The following PKP4 variants were observed in gnomAD, a reference collection of about 807,000 sequenced individuals.
PKP4 encodes the protein plakophilin-4.
In PKP4, 90 loss-of-function variants were observed where a neutral mutation model predicts 145.1. The observed-to-expected ratio is 0.62, with a 90% CI of 0.52 to 0.74. The LOEUF is 0.74. PKP4 is among the 30% of genes least tolerant of loss of function. The pLI, the probability that PKP4 is intolerant of heterozygous loss-of-function variation, is 0.00. For missense variants in PKP4, 1,340 were observed against 1,482.7 expected (o/e 0.90, Z 1.58); for synonymous variants, 563 against 577.2 (o/e 0.98, Z 0.35).
chr2:158,672,727 C>T (rs1380127189), intron 17 of PKP4, among the ~76,000 whole-genome samples: 1 of 152,228 alleles, frequency 6.6e-6, no homozygotes, highest in Non-Finnish European at 1.5e-5. Flanking sequence ...TTACCTGGCT[C>T]TGCTCACCTA....
chr2:158,578,178 T>C (rs2048022766), intron 3 of PKP4: 1 of 240,326 alleles, frequency 4.2e-6, no homozygotes, highest in Non-Finnish European at 9.0e-6. Flanking sequence ...GTATCTTGTG[T>C]TACTCATGGG....
At chr2:158,457,409 C>T (rs1252140527) in intron 1 of PKP4, 191 bp downstream of exon 1, 1 of 152,264 alleles carries the variant, frequency 6.6e-6, no homozygotes, top group Admixed American at 6.5e-5. Context: ...CCGCACTCGC[C>T]TGCTGCTCCC....
Position 158,635,670 on chromosome 2 carries a change from A to C in PKP4, c.1562+1381A>C, listed in dbSNP as rs916700651. Among the ~76,000 whole-genome samples the C allele has an allele frequency of 7.2e-5, 11 of 152,310 alleles. No individual in the cohort carries two copies. In the South Asian group the frequency reaches 8.3e-4, roughly 11 times the overall value. On this transcript the variant is annotated intron_variant, in intron 9 of 21. Coordinates refer to ENST00000389759, the MANE Select transcript of PKP4 (RefSeq NM_003628.6). Reference sequence around the variant, plus strand: ...TTGATTCTCTATAAACAAGGACTTCATGTATGATAATATACCTCAGCTATT... The same window carrying C: ...TTGATTCTCTATAAACAAGGACTTCCTGTATGATAATATACCTCAGCTATT...
At chr2:158,514,529 T>C (rs144104934) in intron 1 of PKP4, among the ~76,000 whole-genome samples, 1 of 152,298 alleles carries the variant, frequency 6.6e-6, no homozygotes, top group Admixed American at 6.5e-5. Context: ...TCTATCCTGC[T>C]GAAGACCAGA....
chr2:158,602,625 G>A (rs2050320940), intron 3 of PKP4, among the ~76,000 whole-genome samples: 1 of 152,088 alleles, frequency 6.6e-6, no homozygotes, highest in Non-Finnish European at 1.5e-5. Context: ...ATTTTATAAG[G>A]CAATATTCAA....
Position 158,661,468 on chromosome 2 carries a change from T to C in PKP4, c.2211+18T>C, listed in dbSNP as rs374969116. 1.1e-5 allele frequency: 16 copies of C among 1,509,304 alleles called. No homozygotes were observed. The highest frequency in any genetic ancestry group is 1.4e-5 in the Non-Finnish European group (15 of 1,085,776). 93.5% of individuals were successfully genotyped at this position (1,509,304 alleles called of 1,614,324 possible). On this transcript the variant is annotated intron_variant, in intron 13 of 21. Coordinates refer to ENST00000389759, the MANE Select transcript of PKP4 (RefSeq NM_003628.6). The stretch of plus-strand genomic sequence containing the variant: ...ACAGCAAGGTCAGTGCCGGCCTGGT[T>C]GCAGGAGGGCGTGGTGGCAGGTGAC...
chr2:158,680,556 C>G lies in PKP4; in HGVS notation c.3458C>G (p.Ser1153Cys). The G allele has an allele frequency of 6.2e-7, 1 of 1,614,158 alleles. No individual in the cohort carries two copies. Among genetic ancestry groups the G allele is most frequent in the Non-Finnish European group, 8.5e-7 (1 of 1,180,002 alleles). ...GATGACCGAGTTCACTTTCCAGCTT[C>G]TACTGATTACTCAACACAGTATGGA... Reference protein sequence around the residue: ...YFDDRVHFPASTDYSTQYGLK... With the variant: ...YFDDRVHFPACTDYSTQYGLK... The change falls in exon 22 of 22, where the codon TCT becomes TGT. Residue 1153 changes from serine to cysteine, a missense_variant. Physicochemically the swap from Ser to Cys is moderately radical, Grantham distance 112. Transcript: ENST00000389759.
intron 1 of PKP4, among the ~76,000 whole-genome samples, chr2:158,490,429 G>A (rs1298140054): frequency 2.0e-5 from 3 of 151,354 alleles, no homozygotes; most frequent in Admixed American, 2.0e-4. Context: ...GGGGTTAAAA[G>A]ATGCATAAGT....
At chr2:158,530,304 A>G (rs1311158275) in intron 1 of PKP4, among the ~76,000 whole-genome samples, 2 of 152,078 alleles carry the variant, frequency 1.3e-5, no homozygotes, top group African/African-American at 2.4e-5. Context: ...TTCCAAAAAC[A>G]GCCATGGCAT....
At chr2:158,533,586 AGT>A (rs917163704) in intron 2 of PKP4, 10 of 531,070 alleles carry the variant, frequency 1.9e-5, no homozygotes, top group African/African-American at 1.7e-4. Context: ...CACATTGCAG[AGT>A]GTGTGCATGC....
At chr2:158,517,519 G>A (rs2105550664) in intron 1 of PKP4, among the ~76,000 whole-genome samples, 1 of 152,252 alleles carries the variant, frequency 6.6e-6, no homozygotes, top group African/African-American at 2.4e-5. Flanking sequence ...GGAGTTCAGG[G>A]TCTTATTTAT....
chr2:158,541,785 C>T (rs550740538), intron 2 of PKP4, among the ~76,000 whole-genome samples: 7 of 152,100 alleles, frequency 4.6e-5, no homozygotes, highest in African/African-American at 1.4e-4. Context: ...TAAAGCAACG[C>T]GGCATCAGTG....
intron 2 of PKP4, among the ~76,000 whole-genome samples, chr2:158,567,366 T>G (rs2047073254): frequency 6.6e-6 from 1 of 152,046 alleles, no homozygotes; most frequent in African/African-American, 2.4e-5. Flanking sequence ...TGAAAGGAAG[T>G]GATAGGAGAC....
intron 1 of PKP4, among the ~76,000 whole-genome samples, chr2:158,497,236 G>T (rs548636251): frequency 3.9e-5 from 6 of 152,090 alleles, no homozygotes; most frequent in African/African-American, 1.4e-4. Context: ...TTCAACTATC[G>T]GGAAGCTCCT....
At chr2:158,667,076 G>A (rs997956673) in intron 16 of PKP4, among the ~76,000 whole-genome samples, 9 of 152,168 alleles carry the variant, frequency 5.9e-5, no homozygotes, top group African/African-American at 2.2e-4. Context: ...TAAGCAAGGC[G>A]CCAAAGGCAC....
chr2:158,523,981 G>C (rs1171093225), intron 1 of PKP4, among the ~76,000 whole-genome samples: 1 of 70,932 alleles, frequency 1.4e-5, no homozygotes, highest in Non-Finnish European at 2.7e-5. Flanking sequence ...ATGGGACTAT[G>C]TGAAAAGACC....
intron 1 of PKP4, among the ~76,000 whole-genome samples, chr2:158,496,967 GGTCTGAA>G (rs1158273343): frequency 6.6e-6 from 1 of 151,970 alleles, no homozygotes; most frequent in Admixed American, 6.5e-5. Flanking sequence ...AAAAATTAAT[GGTCTGAA>G]GTCCCACTAA....
chr2:158,677,581 T>TTTCTC (rs1374538020), intron 20 of PKP4, among the ~76,000 whole-genome samples: 1 of 152,224 alleles, frequency 6.6e-6, no homozygotes, highest in African/African-American at 2.4e-5. Flanking sequence ...AAAGTACTCT[T>TTTCTC]TTCTCAAACC....
rs186153584 is a variant in PKP4 at position 158,640,436 on chromosome 2, A to G, written c.1563-191A>G. Reference sequence around the variant, plus strand: ...TGCATCTGTGCGTCATGATTTCCTTAAGATCATAAGCATCTGGGCCTCTGC... The same window carrying G: ...TGCATCTGTGCGTCATGATTTCCTTGAGATCATAAGCATCTGGGCCTCTGC... On this transcript the variant is annotated intron_variant, in intron 9 of 21. Transcript: ENST00000389759. Among the ~76,000 whole-genome samples, 97 of 152,344 alleles carry G rather than the reference A, an allele frequency of 6.4e-4. 1 individual carries two copies. In the Middle Eastern group the frequency reaches 0.017, roughly 27 times the overall value.
Sources: allele counts gnomAD v4.1 joint callset (sites outside exome capture counted in the v4.1 genomes callset), GRCh38; gene constraint gnomAD v4.1.1; transcripts MANE v1.5; gene names NCBI Gene and HGNC (gene_info 2026-07-23, HGNC 2026-07-21).